NHSL1: variants seen among roughly 807,000 people sequenced by gnomAD.
NHSL1 encodes the protein NHS like 1, also known as NHS-like protein 1.
In NHSL1, 48 loss-of-function variants were observed where a neutral mutation model predicts 95.0. The observed-to-expected ratio is 0.51, with a 90% CI of 0.40 to 0.64. The LOEUF (loss-of-function observed/expected upper bound fraction) is 0.64, where lower values mean the gene tolerates loss of function less well. Among genes scored for constraint, NHSL1 ranks in the 30% least tolerant of loss-of-function variants. NHSL1 has a pLI of 0.00. For missense variants in NHSL1, 1,971 were observed against 2,077.7 expected (o/e 0.95, Z 1.00); for synonymous variants, 783 against 833.9 (o/e 0.94, Z 1.05).
rs374634578 is a variant in NHSL1, at chr6:138,519,357, T to C, written c.17-22986A>G. ...AAAAAAATGTGTTATCAAAAACAAA[T>C]GGAATTTTTATGTCTCTCATAACTC... On this transcript the variant is annotated intron_variant, in intron 1 of 4. Coordinates refer to the NHSL1 transcript ENST00000342260. Among the ~76,000 whole-genome samples the C allele has an allele frequency of 5.6e-4, 85 of 152,320 alleles. 1 individual carries two copies. Among genetic ancestry groups the C allele is most frequent in the South Asian group, 4.1e-3 (20 of 4,828 alleles).
Position 138,496,256 on chromosome 6 carries a change from G to A in NHSL1, c.174C>T (p.His58=). The A allele has an allele frequency of 6.4e-7, 1 of 1,550,978 alleles. No individual in the cohort carries two copies. The highest frequency in any genetic ancestry group is 1.2e-5 in the South Asian group (1 of 83,990). The change falls in exon 2 of 8, where the codon CAC becomes CAT. Residue 58 remains histidine, a synonymous_variant. Coordinates refer to ENST00000343505, the MANE Select transcript of NHSL1 (RefSeq NM_001144060.2). ...ATTTGAGGTTGAGCTTGGCTTGGCG[G>A]TGCAGGTCCTCAACACAGGGGGGTC... The part of the protein sequence containing the change: ...TTRPPCVEDL[H]RQAKLNLKSV...
chr6:138,479,663 T>C (rs1779297770), intron 2 of NHSL1, among the ~76,000 whole-genome samples: 1 of 152,238 alleles, frequency 6.6e-6, no homozygotes, highest in African/African-American at 2.4e-5. Flanking sequence ...TGACTGCAGG[T>C]AGCTGAAACT....
upstream of NHSL1, among the ~76,000 whole-genome samples, chr6:138,574,646 G>A (rs1192607286): frequency 3.4e-5 from 5 of 146,082 alleles, no homozygotes; most frequent in African/African-American, 7.8e-5. Context: ...GGGAAACATG[G>A]CAAAACTCTG....
At position 138,555,454 on chromosome 6, in the gene NHSL1, C is replaced by G. The variant is rs547527253; in HGVS notation, c.202+16256G>C. 3.3e-5 allele frequency among the ~76,000 whole-genome samples: 5 copies of G among 152,332 alleles called. No individual in the cohort carries two copies. In the East Asian group the frequency reaches 9.6e-4, roughly 29 times the overall value. On this transcript the variant is annotated intron_variant, in intron 1 of 6. Transcript: ENST00000427025. ...TTCTATTGCTTTCGAGGCAGGTGTG[C>G]TTCTGACAGCTCTATTAAGTTACTC... is the stretch of plus-strand genomic sequence containing the variant.
rs1562269927 is a variant in NHSL1 at position 138,437,311 on chromosome 6, T to TATACACACACACAC, written c.665-3632_665-3631insGTGTGTGTGTGTAT. Among the ~76,000 whole-genome samples, 20 of 122,028 alleles carry TATACACACACACAC rather than the reference T, an allele frequency of 1.6e-4. 5 individuals are homozygous for TATACACACACACAC. Among genetic ancestry groups the TATACACACACACAC allele is most frequent in the South Asian group, 2.6e-4 (1 of 3,872 alleles). The allele number at this position is 122,028 out of a possible 152,430, so 80.1% of individuals were successfully genotyped here. ...ATACACAAATGTATATATATATATA[T>TATACACACACACAC]ATATATATACACACACACATATATA... On this transcript the variant is annotated intron_variant, in intron 5 of 7. Transcript: ENST00000343505.
intron 1 of NHSL1, among the ~76,000 whole-genome samples, chr6:138,630,345 T>C (rs1784802641): frequency 6.6e-6 from 1 of 152,182 alleles, no homozygotes; most frequent in Non-Finnish European, 1.5e-5. Context: ...TTTTTCAATA[T>C]GCTTTAAAGG....
At position 138,485,841 on chromosome 6, in the gene NHSL1, TTAA is replaced by T. The variant is rs71698853; in HGVS notation, c.211+10375_211+10377del. Among the ~76,000 whole-genome samples, 635 of 152,296 alleles carry T rather than the reference TTAA, an allele frequency of 4.2e-3. 14 individuals are homozygous for T. The East Asian group carries it at 0.07, about 17-fold the overall frequency. On this transcript the variant is annotated intron_variant, in intron 2 of 7. Transcript: ENST00000343505. ...TACCACACATATTTTTTTTAAGCCT[TTAA>T]TAATATCATTTGTCTTTGAAAAGTC...
At chr6:138,541,460 T>C (rs1488610374) in intron 1 of NHSL1, among the ~76,000 whole-genome samples, 2 of 152,232 alleles carry the variant, frequency 1.3e-5, no homozygotes, top group Non-Finnish European at 2.9e-5. Flanking sequence ...TTTTCAACAT[T>C]GTGTAACAAT....
chr6:138,495,095 T>C lies in NHSL1; in HGVS notation c.211+1124A>G, dbSNP rs543187166. ...CCATCTCTACTAAAAATACAAAAAT[T>C]AGCCAGGTGTGGTGATGCACTCCTG... On this transcript the variant is annotated intron_variant, in intron 2 of 7. Coordinates refer to ENST00000343505, the MANE Select transcript of NHSL1 (RefSeq NM_001144060.2). Among the ~76,000 whole-genome samples the C allele has an allele frequency of 4.6e-5, 7 of 151,996 alleles. No individual in the cohort carries two copies. In the South Asian group the frequency reaches 1.3e-3, roughly 27 times the overall value.
chr6:138,566,215 T>C (rs1474308490), intron 1 of NHSL1, among the ~76,000 whole-genome samples: 1 of 151,806 alleles, frequency 6.6e-6, no homozygotes. Context: ...CTGGCCAACA[T>C]GGTGAAACCC....
At chr6:138,544,625 T>C (rs1323398566) in intron 1 of NHSL1, among the ~76,000 whole-genome samples, 1 of 152,034 alleles carries the variant, frequency 6.6e-6, no homozygotes, top group Non-Finnish European at 1.5e-5. Context: ...ACAAAGCAAA[T>C]AAGCCAGGAC....
intron 3 of NHSL1, among the ~76,000 whole-genome samples, chr6:138,451,716 A>G (rs1777250413): frequency 6.6e-6 from 1 of 152,218 alleles, no homozygotes; most frequent in Non-Finnish European, 1.5e-5. Flanking sequence ...GAAAGTTCAC[A>G]AGTGGGCAGT....
chr6:138,458,510 T>C (rs536471921), intron 3 of NHSL1, among the ~76,000 whole-genome samples: 3 of 151,878 alleles, frequency 2.0e-5, no homozygotes, highest in Admixed American at 2.0e-4. Context: ...CTGGCCAAAA[T>C]GGTGAAACCC....
chr6:138,473,269 C>T, intron 3 of NHSL1, 37 bp downstream of exon 3: 1 of 1,480,058 alleles, frequency 6.8e-7, no homozygotes, highest in Middle Eastern at 2.3e-4. Flanking sequence ...TGTTCTGGGA[C>T]CCAACCCAGG....
intron 2 of NHSL1, among the ~76,000 whole-genome samples, chr6:138,491,041 C>T (rs1780050055): frequency 1.3e-5 from 2 of 152,202 alleles, no homozygotes; most frequent in African/African-American, 4.8e-5. Flanking sequence ...CAACTCCTAT[C>T]CTTTCAGGTA....
At chr6:138,641,874 G>A (rs999456035) in intron 1 of NHSL1, among the ~76,000 whole-genome samples, 3 of 151,742 alleles carry the variant, frequency 2.0e-5, no homozygotes, top group African/African-American at 7.3e-5. Context: ...TATTTTCTTC[G>A]ATTTCTATAA....
intron 3 of NHSL1, 56 bp downstream of exon 3, chr6:138,473,250 T>A: frequency 7.1e-7 from 1 of 1,407,428 alleles, no homozygotes; most frequent in African/African-American, 1.5e-5. Flanking sequence ...TCCACATATA[T>A]CCTTTCTCTG....
At chr6:138,524,812 C>T (rs1158411055) in intron 1 of NHSL1, among the ~76,000 whole-genome samples, 1 of 152,100 alleles carries the variant, frequency 6.6e-6, no homozygotes, top group African/African-American at 2.4e-5. Flanking sequence ...GTTTTCTTCC[C>T]TAGCAAATGG....
intron 1 of NHSL1, among the ~76,000 whole-genome samples, chr6:138,606,702 C>CTTTTTTTTT (rs777156294): frequency 2.4e-5 from 3 of 123,412 alleles, no homozygotes; most frequent in Non-Finnish European, 3.3e-5. Flanking sequence ...TTCTTTCTTT[C>CTTTTTTTTT]TTTTTTTTTT....
Sources: allele counts gnomAD v4.1 joint callset (sites outside exome capture counted in the v4.1 genomes callset), GRCh38; gene constraint gnomAD v4.1.1; transcripts MANE v1.5; gene names NCBI Gene and HGNC (gene_info 2026-07-23, HGNC 2026-07-21).